LARGE1: variants seen among roughly 807,000 people sequenced by gnomAD.
The protein encoded by LARGE1 is xylosyl- and glucuronyltransferase LARGE1.
Under a neutral mutation model 87.6 loss-of-function variants are expected in LARGE1, and 43 were observed. The ratio of observed to expected loss-of-function variants is 0.49; its 90% CI spans 0.38 to 0.63. The LOEUF (loss-of-function observed/expected upper bound fraction) is 0.63. Among genes scored for constraint, LARGE1 ranks in the 30% least tolerant of loss-of-function variants. LARGE1 has a pLI of 0.00. For synonymous variants in LARGE1, 434 were observed against 394.6 expected (o/e 1.10, Z -1.18); for missense variants, 802 against 1,000.2 (o/e 0.80, Z 2.67).
chr22:33,275,911 T>A (rs1169921255), intron 14 of LARGE1, among the ~76,000 whole-genome samples: 1 of 152,216 alleles, frequency 6.6e-6, no homozygotes, highest in Non-Finnish European at 1.5e-5. Flanking sequence ...TGAGTGGCAC[T>A]CTGCTCATTC....
intron 2 of LARGE1, among the ~76,000 whole-genome samples, chr22:33,697,340 C>G (rs1480842863): frequency 6.6e-6 from 1 of 152,060 alleles, no homozygotes; most frequent in African/African-American, 2.4e-5. Flanking sequence ...CCTTGGTGGT[C>G]TGGTTCAATA....
chr22:33,503,010 G>A (rs560201766), intron 6 of LARGE1, among the ~76,000 whole-genome samples: 1 of 152,320 alleles, frequency 6.6e-6, no homozygotes, highest in South Asian at 2.1e-4. Flanking sequence ...AGGTCACTGA[G>A]GTGGTGAGTT....
rs758817841 is a variant in LARGE1 at position 33,874,944 on chromosome 22, A to C, written c.-83+45051T>G. ...ACTGTTGTGATCCCCATTTTACAGA[A>C]GGTCAGCGAAGTTGAAAAACGTCCA... On this transcript the variant is annotated intron_variant, in intron 1 of 14. Transcript: ENST00000397394. 6.7e-4 allele frequency among the ~76,000 whole-genome samples: 102 copies of C among 152,328 alleles called. 1 individual carries two copies. The highest frequency in any genetic ancestry group is 2.1e-4 in the Non-Finnish European group (14 of 68,028).
At chr22:33,778,328 T>C (rs758658563) in intron 1 of LARGE1, among the ~76,000 whole-genome samples, 7 of 152,240 alleles carry the variant, frequency 4.6e-5, no homozygotes, top group Non-Finnish European at 7.3e-5. Context: ...TTTTTCTTTT[T>C]ATTGCAGCAA....
chr22:33,515,228 G>A (rs1485811174), intron 6 of LARGE1, among the ~76,000 whole-genome samples: 1 of 152,092 alleles, frequency 6.6e-6, no homozygotes, highest in Non-Finnish European at 1.5e-5. Context: ...TGGTGCTGAG[G>A]CCCAGAAACC....
upstream of LARGE1, among the ~76,000 whole-genome samples, chr22:33,921,041 G>A (rs1211848163): frequency 6.7e-6 from 1 of 150,326 alleles, no homozygotes; most frequent in African/African-American, 2.4e-5. The surrounding 1 kb of genome is among the most constrained non-coding windows in gnomAD (Gnocchi z 4.1). Flanking sequence ...GCAGCCGGGG[G>A]GGACCGCGAG....
chr22:33,759,694 T>A (rs1406140195), intron 2 of LARGE1, among the ~76,000 whole-genome samples: 3 of 152,192 alleles, frequency 2.0e-5, no homozygotes, highest in African/African-American at 7.2e-5. Flanking sequence ...AAGTCAATGT[T>A]CTACTTATTA....
intron 6 of LARGE1, among the ~76,000 whole-genome samples, chr22:33,458,306 G>A (rs1296207970): frequency 1.3e-5 from 2 of 151,932 alleles, no homozygotes; most frequent in African/African-American, 4.8e-5. Context: ...GGGTTTCACT[G>A]TGTCAGCCAG....
At chr22:33,324,228 CAAAAAAAAAAAAAA>C (rs1161508287) in intron 10 of LARGE1, among the ~76,000 whole-genome samples, 1 of 10,738 alleles carries the variant, frequency 9.3e-5, no homozygotes, top group African/African-American at 3.0e-4. Flanking sequence ...GACTCCATCT[CAAAAAAAAAAAAAA>C]AAAAAAAAAA....
the LARGE1 span, among the ~76,000 whole-genome samples, chr22:33,068,972 T>G: frequency 6.6e-6 from 1 of 152,190 alleles, no homozygotes; most frequent in East Asian, 1.9e-4. Context: ...ACCTCTCATT[T>G]TTGTGTCTTA....
intron 2 of LARGE1, among the ~76,000 whole-genome samples, chr22:33,699,990 G>T (rs2082360012): frequency 6.6e-6 from 1 of 152,140 alleles, no homozygotes; most frequent in African/African-American, 2.4e-5. Flanking sequence ...TACATTGCAG[G>T]TTCCGATGCA....
chr22:33,775,578 T>C (rs2145848823), intron 1 of LARGE1, among the ~76,000 whole-genome samples: 1 of 152,262 alleles, frequency 6.6e-6, no homozygotes. Flanking sequence ...TTGGCGGGGC[T>C]CAGTGGCTCA....
intron 11 of LARGE1, among the ~76,000 whole-genome samples, chr22:33,171,786 G>A (rs1922586833): frequency 6.6e-6 from 1 of 152,206 alleles, no homozygotes; most frequent in South Asian, 2.1e-4. Flanking sequence ...AGCCCTCATG[G>A]AGAACATTTG....
At chr22:33,367,439 AC>A (rs1338570925) in intron 9 of LARGE1, among the ~76,000 whole-genome samples, 1 of 152,126 alleles carries the variant, frequency 6.6e-6, no homozygotes, top group Non-Finnish European at 1.5e-5. Flanking sequence ...GTTTTTAGAG[AC>A]AGGGTCTCAT....
At chr22:33,145,640 G>GCTCA in the LARGE1 span, among the ~76,000 whole-genome samples, 1 of 152,146 alleles carries the variant, frequency 6.6e-6, no homozygotes, top group African/African-American at 2.4e-5. Flanking sequence ...TGTATTCTAT[G>GCTCA]GGTATTTGCT....
the LARGE1 span, among the ~76,000 whole-genome samples, chr22:33,130,105 G>A: frequency 3.3e-5 from 5 of 151,892 alleles, no homozygotes; most frequent in African/African-American, 1.2e-4. Flanking sequence ...ACAAGGTCAG[G>A]AGATCGAGAC....
At chr22:33,642,995 G>A (rs1472546454) in intron 3 of LARGE1, among the ~76,000 whole-genome samples, 1 of 152,118 alleles carries the variant, frequency 6.6e-6, no homozygotes, top group African/African-American at 2.4e-5. Flanking sequence ...TCAATGAGCA[G>A]AAAATTAACA....
chr22:33,873,962 G>A lies in LARGE1; in HGVS notation c.-83+46033C>T, dbSNP rs573825149. ...GATATTTCTTCCTTCCACCCCACCCGGCTGTATTCTCTCTCCCTCTCTCTC... is the reference window on the plus strand; with the variant it reads ...GATATTTCTTCCTTCCACCCCACCCAGCTGTATTCTCTCTCCCTCTCTCTC... On this transcript the variant is annotated intron_variant, in intron 1 of 14. Coordinates refer to ENST00000397394, the MANE Select transcript of LARGE1 (RefSeq NM_133642.5). 2.1e-5 allele frequency among the ~76,000 whole-genome samples: 3 copies of A among 145,670 alleles called. No individual in the cohort carries two copies. In the Admixed American group the frequency reaches 2.1e-4, roughly 10 times the overall value.
At chr22:33,234,811 G>GA (rs745370169) in intron 11 of LARGE1, among the ~76,000 whole-genome samples, 13 of 152,130 alleles carry the variant, frequency 8.5e-5, no homozygotes, top group Non-Finnish European at 1.9e-4. Context: ...AAAGTGCTGG[G>GA]ATTACAGGTG....
Sources: allele counts gnomAD v4.1 joint callset (sites outside exome capture counted in the v4.1 genomes callset), GRCh38; gene constraint gnomAD v4.1.1; non-coding constraint Gnocchi (gnomAD v3.1); transcripts MANE v1.5; gene names NCBI Gene and HGNC (gene_info 2026-07-23, HGNC 2026-07-21).